The following TMEM243 variants were observed in gnomAD, a reference collection of about 807,000 sequenced individuals.
TMEM243 encodes MDR1 and mitochondrial taxol resistance associated.
A neutral mutation model predicts 15.0 loss-of-function variants in TMEM243; 20 were observed. The observed-to-expected ratio is 1.33, with a 90% confidence interval of 0.94 to 1.93. The LOEUF is 1.93. Among genes scored for constraint, TMEM243 ranks in the 30% most tolerant of loss-of-function variants. The pLI, the probability that TMEM243 is intolerant of heterozygous loss-of-function variation, is 0.00. For missense variants in TMEM243, 156 were observed against 142.1 expected (o/e 1.10, Z -0.50); for synonymous variants, 72 against 52.7 (o/e 1.37, Z -1.59).
chr7:87,209,632 G>A (rs1343454090), intron 1 of TMEM243, among the ~76,000 whole-genome samples: 2 of 133,050 alleles, frequency 1.5e-5, no homozygotes, highest in Non-Finnish European at 3.1e-5. Context: ...GACTGAGATA[G>A]AGAGCGAGAG....
At chr7:87,203,382 G>T (rs1251895144) in intron 1 of TMEM243, among the ~76,000 whole-genome samples, 1 of 152,154 alleles carries the variant, frequency 6.6e-6, no homozygotes, top group Non-Finnish European at 1.5e-5. Context: ...GGAGGCCAAG[G>T]TGGGAGGATC....
At chr7:87,202,341 A>T (rs948126308) in intron 1 of TMEM243, among the ~76,000 whole-genome samples, 2 of 152,194 alleles carry the variant, frequency 1.3e-5, no homozygotes, top group Non-Finnish European at 2.9e-5. Flanking sequence ...ACAAAGACCC[A>T]TGGGAGAACA....
chr7:87,215,131 CA>C (rs904657329), intron 1 of TMEM243, among the ~76,000 whole-genome samples: 2 of 152,170 alleles, frequency 1.3e-5, no homozygotes, highest in African/African-American at 4.8e-5. Context: ...TACTGGATTT[CA>C]AAGACTTCAT....
intron 3 of TMEM243, 70 bp downstream of exon 3, chr7:87,197,871 G>A (rs750188976): frequency 3.2e-5 from 52 of 1,608,186 alleles, no homozygotes; most frequent in Non-Finnish European, 4.4e-5. Context: ...ACCCAAGGCT[G>A]AAAATTTTTG....
chr7:87,207,245 A>G (rs1226271563), intron 1 of TMEM243, among the ~76,000 whole-genome samples: 8 of 152,332 alleles, frequency 5.3e-5, no homozygotes, highest in Non-Finnish European at 1.0e-4. Flanking sequence ...TCCTTCGGCA[A>G]TGCTCCCCAA....
chr7:87,197,897 C>G (rs770226884), intron 3 of TMEM243, 44 bp downstream of exon 3: 1 of 1,612,190 alleles, frequency 6.2e-7, no homozygotes, highest in South Asian at 1.1e-5. Flanking sequence ...TGCATTGCAA[C>G]TTAAACCCTC....
At chr7:87,207,637 C>A (rs1343860657) in intron 1 of TMEM243, among the ~76,000 whole-genome samples, 1 of 152,212 alleles carries the variant, frequency 6.6e-6, no homozygotes, top group Non-Finnish European at 1.5e-5. Context: ...TGGACAATGC[C>A]ATGAAGACAT....
intron 1 of TMEM243, among the ~76,000 whole-genome samples, chr7:87,209,732 C>CACAGTGAGAGCGAGACACAGAGCGAG (rs1802557785): frequency 8.4e-6 from 1 of 118,390 alleles, no homozygotes; most frequent in Admixed American, 8.3e-5. Flanking sequence ...GAGAGCGAGA[C>CACAGTGAGAGCGAGACACAGAGCGAG]ACAGTGAGAG....
chr7:87,209,385 A>T (rs1317518743), intron 1 of TMEM243, among the ~76,000 whole-genome samples: 1 of 151,948 alleles, frequency 6.6e-6, no homozygotes, highest in Non-Finnish European at 1.5e-5. Context: ...GAGAGGTGGG[A>T]GAGAGACAAA....
At chr7:87,202,038 G>A (rs569987029) in intron 1 of TMEM243, among the ~76,000 whole-genome samples, 9 of 152,268 alleles carry the variant, frequency 5.9e-5, no homozygotes, top group Admixed American at 2.0e-4. Flanking sequence ...AAAGACAGAC[G>A]TTGTGTGCAT....
chr7:87,213,348 A>C (rs1030959124), intron 1 of TMEM243, among the ~76,000 whole-genome samples: 1 of 152,230 alleles, frequency 6.6e-6, no homozygotes, highest in Non-Finnish European at 1.5e-5. Flanking sequence ...AGCACACACA[A>C]AAAAAGGCAA....
intron 1 of TMEM243, among the ~76,000 whole-genome samples, chr7:87,210,444 T>TA (rs1312345198): frequency 6.6e-6 from 1 of 152,186 alleles, no homozygotes. Context: ...CCCTTCCACC[T>TA]ATGAGCCTGT....
chr7:87,197,709 T>TG lies in TMEM243; in HGVS notation c.234+231_234+232insC. On this transcript the variant is annotated intron_variant, in intron 3 of 3. Coordinates refer to ENST00000257637, the MANE Select transcript of TMEM243 (RefSeq NM_024315.4). ...ACTAATTTTTTTTTTTTTTTTTTTTTTTTTTTTAAGCTATCAAGGGAGTGG... is the reference window on the plus strand; with the variant it reads ...ACTAATTTTTTTTTTTTTTTTTTTTTGTTTTTTTAAGCTATCAAGGGAGTGG... 3 of 1,097,250 alleles carry TG rather than the reference T, an allele frequency of 2.7e-6. No homozygotes were observed. The East Asian group carries it at 1.2e-4, about 45-fold the overall frequency. The allele number at this position is 1,097,250 out of a possible 1,614,324, so 68.0% of individuals were successfully genotyped here.
chr7:87,212,969 AGGAAAGTGAGAAGAGACT>A (rs1802858814), intron 1 of TMEM243, among the ~76,000 whole-genome samples: 1 of 152,206 alleles, frequency 6.6e-6, no homozygotes, highest in African/African-American at 2.4e-5. Flanking sequence ...GGCTCACAGA[AGGAAAGTGAGAAGAGACT>A]GGATTACAGG....
At chr7:87,204,245 A>G (rs925521763) in intron 1 of TMEM243, among the ~76,000 whole-genome samples, 3 of 152,184 alleles carry the variant, frequency 2.0e-5, no homozygotes, top group Non-Finnish European at 4.4e-5. Flanking sequence ...CCCACAACAC[A>G]TGGGAATTAT....
At chr7:87,208,814 G>C (rs1802406225) in intron 1 of TMEM243, among the ~76,000 whole-genome samples, 1 of 152,240 alleles carries the variant, frequency 6.6e-6, no homozygotes, top group South Asian at 2.1e-4. Context: ...TTCAGACAAA[G>C]CCAAGCCACA....
At chr7:87,200,988 C>A (rs1348921231) in intron 1 of TMEM243, among the ~76,000 whole-genome samples, 2 of 152,180 alleles carry the variant, frequency 1.3e-5, no homozygotes, top group Non-Finnish European at 2.9e-5. Flanking sequence ...CTCCATATAA[C>A]TGATTTTAAT....
At chr7:87,219,779 G>A (rs1339837669), upstream of TMEM243, 1 of 462,756 alleles carries the variant, frequency 2.2e-6, no homozygotes, top group African/African-American at 2.0e-5. Context: ...GGACGCCCCC[G>A]CCCGGGCAGC....
intron 1 of TMEM243, among the ~76,000 whole-genome samples, chr7:87,211,400 C>T (rs544668479): frequency 6.6e-6 from 1 of 152,190 alleles, no homozygotes; most frequent in Admixed American, 6.5e-5. Context: ...AAGGGTGCTA[C>T]TTCCTACCAT....
Sources: allele counts gnomAD v4.1 joint callset (sites outside exome capture counted in the v4.1 genomes callset), GRCh38; gene constraint gnomAD v4.1.1; transcripts MANE v1.5; gene names NCBI Gene and HGNC (gene_info 2026-07-23, HGNC 2026-07-21).